Variants in COG3 observed in about 807,000 individuals in gnomAD.
The protein encoded by COG3 is component of oligomeric golgi complex 3.
A neutral mutation model predicts 114.1 loss-of-function variants in COG3; 32 were observed. The ratio of observed to expected loss-of-function variants is 0.28; its 90% CI spans 0.21 to 0.38. The LOEUF (loss-of-function observed/expected upper bound fraction) is 0.38. COG3 is among the 10% of genes least tolerant of loss of function. The pLI, the probability that COG3 is intolerant of heterozygous loss-of-function variation, is 1.00. For missense variants in COG3, 813 were observed against 973.2 expected, an observed-to-expected ratio of 0.84 and a Z score of 2.19; for synonymous variants, 352 against 365.7, an observed-to-expected ratio of 0.96 and a Z score of 0.43.
At chr13:45,519,694 A>G (rs2985980) in intron 19 of COG3, among the ~76,000 whole-genome samples, 105,361 of 152,074 alleles carry the variant, frequency 0.69, 39,128 homozygotes, top group Non-Finnish European at 0.82. Flanking sequence ...TCAACAGTAT[A>G]ATGAAACAAT....
intron 22 of COG3, among the ~76,000 whole-genome samples, chr13:45,534,171 T>A (rs1873399048): frequency 6.6e-6 from 1 of 152,258 alleles, no homozygotes; most frequent in Admixed American, 6.5e-5. Context: ...TTGTGCGTTT[T>A]AAAAAGTCAC....
chr13:45,528,463 C>T (rs944405102), intron 20 of COG3, among the ~76,000 whole-genome samples: 26 of 152,266 alleles, frequency 1.7e-4, no homozygotes, highest in African/African-American at 6.0e-4. Flanking sequence ...CCCTGCTTTA[C>T]TACAACCCTC....
At chr13:45,513,324 C>T (rs200045939) in intron 16 of COG3, among the ~76,000 whole-genome samples, 23 of 121,862 alleles carry the variant, frequency 1.9e-4, no homozygotes, top group African/African-American at 6.2e-4. Context: ...ATAAATTATA[C>T]ATATAATATA....
Position 45,508,585 on chromosome 13 carries a change from A to T in COG3, c.1595-1107A>T, listed in dbSNP as rs1435381873. Among the ~76,000 whole-genome samples the T allele has an allele frequency of 2.0e-5, 3 of 152,118 alleles. No individual in the cohort carries two copies. In the East Asian group the frequency reaches 5.8e-4, roughly 29 times the overall value. On this transcript the variant is annotated intron_variant, in intron 14 of 22. Transcript: ENST00000349995. ...AAAAAATAACGACATCTTTTACTTAACAATAAACCATTATTGCACTAAAAA... is the reference window on the plus strand; with the variant it reads ...AAAAAATAACGACATCTTTTACTTATCAATAAACCATTATTGCACTAAAAA...
At position 45,493,423 on chromosome 13, in the gene COG3, A is replaced by C. The variant is rs771143492; in HGVS notation, c.1264A>C (p.Thr422Pro). 3 of 1,612,942 alleles carry C rather than the reference A, an allele frequency of 1.9e-6. No individual in the cohort carries two copies. In the Admixed American group the frequency reaches 5.0e-5, roughly 27 times the overall value. The change falls in exon 12 of 23, where the codon ACT (threonine) becomes CCT (proline). Residue 422 changes from threonine (T) to proline (P), a missense_variant. By Grantham distance (38) the Thr-to-Pro change is conservative (BLOSUM62 -1). This residue lies in a region of COG3 where 389 missense variants were observed against 542.6 expected (regional missense o/e 0.72). Coordinates refer to ENST00000349995, the MANE Select transcript of COG3 (RefSeq NM_031431.4). ...GATCATTCATGTTATTCACTTAGAG[A>C]CTCTGTCGGAACTTTGTGGGATTCT... ...PLIIHVIHLETLSELCGILKN... is the reference protein window; with the variant it reads ...PLIIHVIHLEPLSELCGILKN...
chr13:45,476,774 G>A (rs1885893458), intron 2 of COG3, among the ~76,000 whole-genome samples: 1 of 152,102 alleles, frequency 6.6e-6, no homozygotes, highest in Admixed American at 6.5e-5. Flanking sequence ...TTTAGCATGT[G>A]TAATTTTTTC....
intron 17 of COG3, among the ~76,000 whole-genome samples, chr13:45,516,896 A>C (rs1871598121): frequency 6.6e-6 from 1 of 152,198 alleles, no homozygotes; most frequent in South Asian, 2.1e-4. Flanking sequence ...AATAAACTTC[A>C]GTGGTATTAA....
rs751081906 is a variant in COG3 at position 45,503,994 on chromosome 13, G to A, written c.1594+645G>A. ...TGGACTAGGGTACATGTTATACAAG[G>A]AGCAAAATTGTCCCAAGAATCACCC... On this transcript the variant is annotated intron_variant, in intron 14 of 22. Coordinates refer to ENST00000349995, the MANE Select transcript of COG3 (RefSeq NM_031431.4). Among the ~76,000 whole-genome samples the A allele has an allele frequency of 2.4e-4, 37 of 152,060 alleles. 1 individual carries two copies. Among genetic ancestry groups the A allele is most frequent in the Admixed American group, 2.4e-3 (37 of 15,276 alleles).
intron 17 of COG3, 24 bp from the exon 18 acceptor site, chr13:45,518,738 T>G (rs1267290161): frequency 1.3e-6 from 2 of 1,573,188 alleles, no homozygotes; most frequent in South Asian, 2.3e-5. Context: ...ACATGTTCAC[T>G]GGATGAGTAA....
chr13:45,504,456 G>A (rs901901355), intron 14 of COG3, among the ~76,000 whole-genome samples: 5 of 152,136 alleles, frequency 3.3e-5, no homozygotes, highest in Admixed American at 2.0e-4. Flanking sequence ...CCGGACTTGT[G>A]CGTTTTCTCT....
At chr13:45,526,223 T>G (rs1457043388) in intron 20 of COG3, among the ~76,000 whole-genome samples, 2 of 151,100 alleles carry the variant, frequency 1.3e-5, no homozygotes, top group Non-Finnish European at 2.9e-5. Flanking sequence ...GTAGCTGGGA[T>G]TACAGGCACC....
Position 45,535,944 on chromosome 13 carries a change from G to A in COG3, c.*1213G>A. ...GGACATTGTCAGGGGTTCTGGAATG[G>A]GACCAGGGGACCTTTTGGTGCAGTG... On this transcript the variant is annotated 3_prime_UTR_variant, in exon 23 of 23. Transcript: ENST00000349995. 1 of 924,090 alleles carries A rather than the reference G, an allele frequency of 1.1e-6. No homozygotes were observed. The highest frequency in any genetic ancestry group is 1.3e-6 in the Non-Finnish European group (1 of 772,130). The allele number at this position is 924,090 out of a possible 1,614,324, so 57.2% of individuals were successfully genotyped here.
chr13:45,532,563 T>G (rs1299985597), intron 22 of COG3, among the ~76,000 whole-genome samples: 1 of 40,908 alleles, frequency 2.4e-5, no homozygotes, highest in Non-Finnish European at 5.9e-5. Flanking sequence ...TTCCATTGTT[T>G]TTTTTTTTTT....
rs760196811 is a variant in COG3 at position 45,493,507 on chromosome 13, A to G, written c.1327+21A>G. ...CAATGGTAAATGAGTAGAAATGATC[A>G]TTTTAAGTTATATCACTGGCTCAAT... is the stretch of plus-strand genomic sequence containing the variant. On this transcript the variant is annotated intron_variant, in intron 12 of 22. Transcript: ENST00000349995. 22 of 1,600,292 alleles carry G rather than the reference A, an allele frequency of 1.4e-5. No homozygotes were observed. In the African/African-American group the frequency reaches 3.0e-4, roughly 21 times the overall value.
At chr13:45,465,249 C>A (rs755840663) in intron 1 of COG3, 39 bp downstream of exon 1, 5 of 1,603,216 alleles carry the variant, frequency 3.1e-6, no homozygotes, top group Non-Finnish European at 4.3e-6. Context: ...GGCGATGGGG[C>A]TGGGATTCTC....
intron 1 of COG3, among the ~76,000 whole-genome samples, chr13:45,474,795 C>T (rs1257782960): frequency 1.3e-5 from 2 of 152,132 alleles, no homozygotes; most frequent in Non-Finnish European, 2.9e-5. Flanking sequence ...CAGGGTAGCA[C>T]CTTCCTGAGA....
At chr13:45,505,997 A>C (rs373649608) in intron 14 of COG3, among the ~76,000 whole-genome samples, 1 of 152,156 alleles carries the variant, frequency 6.6e-6, no homozygotes, top group Non-Finnish European at 1.5e-5. Context: ...CTGGGCTTAA[A>C]GCCAACCTCC....
At chr13:45,501,632 G>A (rs544655805) in intron 13 of COG3, among the ~76,000 whole-genome samples, 1 of 152,260 alleles carries the variant, frequency 6.6e-6, no homozygotes, top group South Asian at 2.1e-4. Flanking sequence ...CTTTATTGAA[G>A]GATTGTATTA....
chr13:45,489,616 A>C (rs1017793627), intron 8 of COG3, among the ~76,000 whole-genome samples: 4 of 152,188 alleles, frequency 2.6e-5, no homozygotes, highest in African/African-American at 4.8e-5. Flanking sequence ...TATCAGTGAC[A>C]AAAAGCATAA....
Sources: gnomAD v4.1 joint callset for allele counts (sites outside exome capture counted in the v4.1 genomes callset) on GRCh38, gnomAD v4.1.1 for gene constraint, gnomAD v4.1.1 regional missense constraint, MANE v1.5 for transcripts, NCBI Gene and HGNC (gene_info 2026-07-23, HGNC 2026-07-21) for gene names.